The following SOX6 variants were observed in gnomAD, a reference collection of about 807,000 sequenced individuals.
SOX6 encodes transcription factor SOX-6.
Under a neutral mutation model 97.8 loss-of-function variants are expected in SOX6, and 11 were observed. The observed-to-expected ratio is 0.11, with a 90% CI of 0.07 to 0.19. The LOEUF (loss-of-function observed/expected upper bound fraction) is 0.19. Ranked by LOEUF, SOX6 falls within the 10% of genes least tolerant of loss-of-function variation. The pLI is 1.00. For missense variants in SOX6, 810 were observed against 1,039.5 expected, an observed-to-expected ratio of 0.78 and a Z score of 3.04; for synonymous variants, 360 against 371.4, an observed-to-expected ratio of 0.97 and a Z score of 0.35.
intron 4 of SOX6, among the ~76,000 whole-genome samples, chr11:16,565,721 T>TTA: frequency 1.5e-4 from 1 of 6,484 alleles, no homozygotes; most frequent in African/African-American, 5.4e-4. Flanking sequence ...AATAAATAAA[T>TTA]AAAAAAAAAA....
intron 12 of SOX6, among the ~76,000 whole-genome samples, chr11:16,025,608 G>T (rs1855195771): frequency 6.6e-6 from 1 of 152,076 alleles, no homozygotes; most frequent in Non-Finnish European, 1.5e-5. Context: ...ATTATTTGTG[G>T]AAACACAAGT....
At chr11:16,555,293 T>C (rs1478407609) in intron 4 of SOX6, among the ~76,000 whole-genome samples, 2 of 151,882 alleles carry the variant, frequency 1.3e-5, no homozygotes, top group Admixed American at 6.6e-5. Context: ...AATTAGTGAA[T>C]CTAAATTACC....
intron 4 of SOX6, among the ~76,000 whole-genome samples, chr11:16,583,603 GTATATATATACATATATATA>G (rs1565186347): frequency 8.8e-5 from 2 of 22,672 alleles, no homozygotes; most frequent in Non-Finnish European, 1.6e-4. Context: ...GTATATATGT[GTATATATATACATATATATA>G]TATATATATA....
At chr11:16,302,431 A>T (rs34066971) in intron 3 of SOX6, among the ~76,000 whole-genome samples, 3,822 of 152,126 alleles carry the variant, frequency 0.025, 63 homozygotes, top group Middle Eastern at 0.051. Flanking sequence ...TCTACCTGGG[A>T]TTCCATTATA....
chr11:16,244,900 A>G (rs1039679747), intron 3 of SOX6, among the ~76,000 whole-genome samples: 2 of 151,762 alleles, frequency 1.3e-5, no homozygotes, highest in African/African-American at 4.8e-5. Flanking sequence ...GTGGAATAAG[A>G]ATTTGTTCTT....
intron 3 of SOX6, among the ~76,000 whole-genome samples, chr11:16,309,755 G>A (rs1855543380): frequency 6.6e-6 from 1 of 151,668 alleles, no homozygotes; most frequent in South Asian, 2.1e-4. Flanking sequence ...CATATATATT[G>A]TACAAGGAGA....
Position 15,972,677 on chromosome 11 carries a change from C to T in SOX6, c.*132G>A. 1.0e-6 allele frequency: 1 copy of T among 986,024 alleles called. No homozygotes were observed. The highest frequency in any genetic ancestry group is 1.6e-6 in the Non-Finnish European group (1 of 639,090). The allele number at this position is 986,024 out of a possible 1,614,324, so 61.1% of individuals were successfully genotyped here. On this transcript the variant is annotated 3_prime_UTR_variant, in exon 16 of 16. Transcript: ENST00000683767. The stretch of plus-strand genomic sequence containing the variant: ...CAGGGAAAACTTAATCTGTCTCACA[C>T]TTTACGAAACAATTAAGACCATTCT...
At chr11:16,004,989 C>G (rs1304381278) in intron 13 of SOX6, among the ~76,000 whole-genome samples, 1 of 151,906 alleles carries the variant, frequency 6.6e-6, no homozygotes, top group Non-Finnish European at 1.5e-5. Flanking sequence ...TGACTGGAAC[C>G]CAATACCTAC....
chr11:16,319,554 T>C (rs931987418), intron 2 of SOX6, among the ~76,000 whole-genome samples: 1 of 143,282 alleles, frequency 7.0e-6, no homozygotes, highest in Non-Finnish European at 1.5e-5. Flanking sequence ...CCCCTTCTTG[T>C]GTCCAAGTGT....
At chr11:16,522,811 A>G (rs181176490) in intron 4 of SOX6, among the ~76,000 whole-genome samples, 64 of 152,328 alleles carry the variant, frequency 4.2e-4, no homozygotes, top group Admixed American at 3.9e-3. Context: ...GGAAAGCAAA[A>G]AAAGGCATGG....
chr11:16,126,478 C>T (rs1201673819), intron 6 of SOX6, among the ~76,000 whole-genome samples: 1 of 152,098 alleles, frequency 6.6e-6, no homozygotes, highest in Non-Finnish European at 1.5e-5. Context: ...TACTTCCCTG[C>T]TCTACAACCA....
chr11:16,498,287 C>G (rs1439830124), intron 4 of SOX6, among the ~76,000 whole-genome samples: 1 of 152,108 alleles, frequency 6.6e-6, no homozygotes, highest in Non-Finnish European at 1.5e-5. Context: ...CAGGCCTGCC[C>G]TAAAAGAGCT....
At chr11:16,470,041 A>G (rs1003723448) in intron 1 of SOX6, among the ~76,000 whole-genome samples, 1 of 152,180 alleles carries the variant, frequency 6.6e-6, no homozygotes, top group Admixed American at 6.5e-5. Context: ...TTCTGGCCAC[A>G]TTTCACAAAT....
At chr11:16,160,446 T>G (rs1382268512) in intron 6 of SOX6, among the ~76,000 whole-genome samples, 2 of 152,218 alleles carry the variant, frequency 1.3e-5, no homozygotes, top group African/African-American at 4.8e-5. Context: ...AGTGCATCCT[T>G]AGTGATGTGT....
rs71047512 is a variant in SOX6 at position 16,706,449 on chromosome 11, C to CAAAAA, written n.429+8376_429+8380dup. Among the ~76,000 whole-genome samples, 6 of 2,450 alleles carry CAAAAA rather than the reference C, an allele frequency of 2.4e-3. 3 individuals are homozygous for CAAAAA. The highest frequency in any genetic ancestry group is 3.2e-3 in the African/African-American group (2 of 624). The allele number at this position is 2,450 out of a possible 152,430, so 1.6% of individuals were successfully genotyped here. A position where few individuals can be genotyped will look rare whatever the true frequency, so the allele number is the denominator to read the frequency against. ...TGGGTGAAAGAGTGAGAACCTATCA[C>CAAAAA]AAAAAAAAAAAAAAAAAAAAAAATA... On this transcript the variant is annotated intron_variant and non_coding_transcript_variant, in intron 3 of 5. Coordinates refer to the SOX6 transcript ENST00000524520.
intron 3 of SOX6, among the ~76,000 whole-genome samples, chr11:16,285,991 T>C (rs1854728889): frequency 6.6e-6 from 1 of 152,190 alleles, no homozygotes; most frequent in South Asian, 2.1e-4. Flanking sequence ...TTCTATTATA[T>C]GCCTTATAAA....
At chr11:16,591,711 A>G (rs1042397842) in intron 4 of SOX6, among the ~76,000 whole-genome samples, 2 of 152,134 alleles carry the variant, frequency 1.3e-5, no homozygotes, top group Non-Finnish European at 2.9e-5. Flanking sequence ...AAAATGCTAT[A>G]CCTTTGACCT....
At chr11:16,639,777 T>C (rs1381202819) in intron 3 of SOX6, among the ~76,000 whole-genome samples, 1 of 152,210 alleles carries the variant, frequency 6.6e-6, no homozygotes, top group African/African-American at 2.4e-5. Context: ...GAGACTTTGC[T>C]GAAGTTGCTT....
At chr11:16,652,155 A>G (rs562700949) in intron 3 of SOX6, among the ~76,000 whole-genome samples, 4 of 152,222 alleles carry the variant, frequency 2.6e-5, no homozygotes, top group Non-Finnish European at 5.9e-5. Flanking sequence ...ACGGATGGAT[A>G]GAATCAATAC....
Sources: gnomAD v4.1 joint callset for allele counts (sites outside exome capture counted in the v4.1 genomes callset) on GRCh38, gnomAD v4.1.1 for gene constraint, MANE v1.5 for transcripts, NCBI Gene and HGNC (gene_info 2026-07-23, HGNC 2026-07-21) for gene names.